Variants in PLIN3 observed in about 807,000 individuals in gnomAD.
PLIN3 encodes the protein perilipin-3.
In PLIN3, 30 loss-of-function variants were observed where a neutral mutation model predicts 35.9. The ratio of observed to expected loss-of-function variants is 0.84; its 90% CI spans 0.62 to 1.13. The LOEUF (loss-of-function observed/expected upper bound fraction) is 1.13. Among genes scored for constraint, PLIN3 ranks in the 50% most tolerant of loss-of-function variants. PLIN3 has a pLI of 0.00. For missense variants in PLIN3, 603 were observed against 596.9 expected (o/e 1.01, Z -0.11); for synonymous variants, 261 against 262.5 (o/e 0.99, Z 0.06).
intron 1 of PLIN3, among the ~76,000 whole-genome samples, chr19:4,861,823 C>T (rs967272368): frequency 6.1e-4 from 92 of 151,434 alleles, no homozygotes; most frequent in Admixed American, 3.3e-3. Flanking sequence ...TTAGTAGAGA[C>T]GGGGTTTCAC....
intron 6 of PLIN3, among the ~76,000 whole-genome samples, chr19:4,845,925 C>CAAA (rs59469893): frequency 2.1e-5 from 1 of 46,628 alleles, no homozygotes; most frequent in Non-Finnish European, 4.2e-5. Context: ...GACTCCGTCT[C>CAAA]AAAAAAAAAA....
chr19:4,859,389 G>A (rs2030588998), intron 4 of PLIN3, among the ~76,000 whole-genome samples: 1 of 152,114 alleles, frequency 6.6e-6, no homozygotes, highest in Non-Finnish European at 1.5e-5. Flanking sequence ...GGGCATGGTT[G>A]CAGGCGCCTG....
At chr19:4,854,657 C>A (rs999129070) in intron 4 of PLIN3, among the ~76,000 whole-genome samples, 1 of 152,056 alleles carries the variant, frequency 6.6e-6, no homozygotes, top group African/African-American at 2.4e-5. Context: ...TCTAACAGCC[C>A]CACTACTCAG....
rs769030244 is a variant in PLIN3, at chr19:4,839,346, C to T, written c.1151G>A (p.Ser384Asn). 4 of 1,613,904 alleles carry T rather than the reference C, an allele frequency of 2.5e-6. No homozygotes were observed. Among genetic ancestry groups the T allele is most frequent in the Non-Finnish European group, 3.4e-6 (4 of 1,179,934 alleles). The change falls in exon 8 of 8, where the codon AGC (serine) becomes AAC (asparagine). Residue 384 changes from serine (S) to asparagine (N), a missense_variant. Ser to Asn is a conservative substitution (Grantham distance 46). Transcript: ENST00000221957. Reference protein sequence around the residue: ...SSIHSFQDLSSSILAQSRERV... With the variant: ...SSIHSFQDLSNSILAQSRERV... ...CTCACGGCTCTGGGCCAGAATGCTGCTGGACAGGTCCTGGAAGGAGTGGAT... is the reference window on the plus strand; with the variant it reads ...CTCACGGCTCTGGGCCAGAATGCTGTTGGACAGGTCCTGGAAGGAGTGGAT...
intron 1 of PLIN3, among the ~76,000 whole-genome samples, chr19:4,863,230 G>C (rs1234049827): frequency 6.6e-6 from 1 of 151,860 alleles, no homozygotes; most frequent in Admixed American, 6.6e-5. Context: ...GGGTGCGGTG[G>C]CTCACGCCTG....
At chr19:4,856,958 G>A (rs1365410684) in intron 4 of PLIN3, among the ~76,000 whole-genome samples, 1 of 151,934 alleles carries the variant, frequency 6.6e-6, no homozygotes, top group East Asian at 1.9e-4. Context: ...TGCACGCTTC[G>A]GCCTCCCAAA....
In PLIN3 at chr19:4,858,911, A is replaced by C. The variant is rs185256060; in HGVS notation, c.348+679T>G. Among the ~76,000 whole-genome samples the C allele has an allele frequency of 8.4e-3, 1,259 of 150,088 alleles. 18 individuals are homozygous for C. The highest frequency in any genetic ancestry group is 0.028 in the African/African-American group (1,156 of 40,802). ...GAGACGGGGTTTCTCCATGTTGGTCAGGCTGGTCTCAAACTCCCAACCTCA... is the reference window on the plus strand; with the variant it reads ...GAGACGGGGTTTCTCCATGTTGGTCCGGCTGGTCTCAAACTCCCAACCTCA... On this transcript the variant is annotated intron_variant, in intron 4 of 7. Transcript: ENST00000221957.
intron 4 of PLIN3, among the ~76,000 whole-genome samples, chr19:4,856,160 C>T (rs527846518): frequency 1.3e-5 from 2 of 152,210 alleles, no homozygotes; most frequent in Admixed American, 1.3e-4. Context: ...ACCCAGGGAT[C>T]ACCTATTTCT....
At chr19:4,839,889 TCTC>T (rs1427267077) in intron 7 of PLIN3, among the ~76,000 whole-genome samples, 1 of 150,808 alleles carries the variant, frequency 6.6e-6, no homozygotes, top group Non-Finnish European at 1.5e-5. Context: ...ATGGTCTTGA[TCTC>T]CTGACCTCGT....
intron 1 of PLIN3, 113 bp from the exon 2 acceptor site, chr19:4,861,524 CTG>C (rs2030676295): frequency 1.4e-6 from 1 of 696,414 alleles, no homozygotes; most frequent in East Asian, 2.6e-5. Flanking sequence ...TGACTTACAG[CTG>C]TGTCTTTCAG....
chr19:4,848,675 T>C (rs2030186302), intron 5 of PLIN3, among the ~76,000 whole-genome samples: 1 of 152,172 alleles, frequency 6.6e-6, no homozygotes, highest in Non-Finnish European at 1.5e-5. Flanking sequence ...AAGACTAGCC[T>C]GGCCAACATG....
At chr19:4,867,532 C>G in intron 1 of PLIN3, 77 bp downstream of exon 1, 1 of 152,024 alleles carries the variant, frequency 6.6e-6, no homozygotes, top group Non-Finnish European at 1.5e-5. Context: ...CCCTCCCCGA[C>G]CCCTCCGGCC....
In PLIN3 at chr19:4,859,629, C is replaced by A; in HGVS notation, c.309G>T (p.Leu103Phe). 1 of 1,614,158 alleles carries A rather than the reference C, an allele frequency of 6.2e-7. No individual in the cohort carries two copies. The highest frequency in any genetic ancestry group is 1.1e-5 in the South Asian group (1 of 91,090). Reference sequence around the variant, plus strand: ...GCTGCAGGATGGGGAGGTTCTCCTCCAACTTGTCCAGCCCCCTGTGGGCGT... The same window carrying A: ...GCTGCAGGATGGGGAGGTTCTCCTCAAACTTGTCCAGCCCCCTGTGGGCGT... ...SEYAHRGLDK[L>F]EENLPILQQP... Residue 103 changes from leucine (L) to phenylalanine (F), a missense_variant, in exon 4 of 8, where the codon TTG becomes TTT. Physicochemically the swap from Leu to Phe is conservative, Grantham distance 22. Coordinates refer to ENST00000221957, the MANE Select transcript of PLIN3 (RefSeq NM_005817.5).
At chr19:4,842,991 T>C (rs141005390) in intron 7 of PLIN3, among the ~76,000 whole-genome samples, 2,098 of 143,318 alleles carry the variant, frequency 0.015, 50 homozygotes, top group African/African-American at 0.051. Context: ...GAGGCCGATG[T>C]GGGCGGATCA....
intron 6 of PLIN3, among the ~76,000 whole-genome samples, chr19:4,846,486 G>A (rs1008712065): frequency 1.3e-5 from 2 of 151,808 alleles, no homozygotes; most frequent in African/African-American, 4.8e-5. Flanking sequence ...ATCACTTGAG[G>A]TCAGGAGTTT....
intron 6 of PLIN3, among the ~76,000 whole-genome samples, chr19:4,846,623 C>T (rs978407120): frequency 6.6e-6 from 1 of 151,636 alleles, no homozygotes; most frequent in Non-Finnish European, 1.5e-5. Flanking sequence ...CACTTGAACC[C>T]GGGAAGTGGA....
At chr19:4,852,421 A>C in intron 4 of PLIN3, 120 bp from the exon 5 acceptor site, 2 of 1,209,928 alleles carry the variant, frequency 1.7e-6, no homozygotes, top group East Asian at 2.6e-5. Context: ...TGACCCCAGC[A>C]TCTCCGTCTT....
intron 7 of PLIN3, among the ~76,000 whole-genome samples, chr19:4,842,453 A>T (rs1342806793): frequency 6.6e-6 from 1 of 151,680 alleles, no homozygotes; most frequent in Non-Finnish European, 1.5e-5. Context: ...AAATCAAATT[A>T]GCTGGGCGTG....
At position 4,839,062 on chromosome 19, in the gene PLIN3, T is replaced by G. The variant is rs868106859; in HGVS notation, c.*130A>C. The G allele has an allele frequency of 2.2e-5, 16 of 717,388 alleles. No homozygotes were observed. The highest frequency in any genetic ancestry group is 8.1e-4 in the Middle Eastern group (2 of 2,462). The allele number at this position is 717,388 out of a possible 1,614,324, so 44.4% of individuals were successfully genotyped here. A position where few individuals can be genotyped will look rare whatever the true frequency, so the allele number is the denominator to read the frequency against. On this transcript the variant is annotated 3_prime_UTR_variant, in exon 8 of 8. Coordinates refer to ENST00000221957, the MANE Select transcript of PLIN3 (RefSeq NM_005817.5). Reference sequence around the variant, plus strand: ...GATGCCCGTTTTGAGAGCCTTAGCTTCCCAAGTGGACAGCACAGAAGAGCT... The same window carrying G: ...GATGCCCGTTTTGAGAGCCTTAGCTGCCCAAGTGGACAGCACAGAAGAGCT...
Sources: gnomAD v4.1 joint callset for allele counts (sites outside exome capture counted in the v4.1 genomes callset) on GRCh38, gnomAD v4.1.1 for gene constraint, MANE v1.5 for transcripts, NCBI Gene and HGNC (gene_info 2026-07-23, HGNC 2026-07-21) for gene names.